The following DEAF1 variants were observed in gnomAD, a reference collection of about 807,000 sequenced individuals.
DEAF1 encodes the protein deformed epidermal autoregulatory factor 1 homolog.
DEAF1 carries 53 observed loss-of-function variants against 58.9 expected under a neutral mutation model. The ratio of observed to expected loss-of-function variants is 0.90; its 90% CI spans 0.72 to 1.13. The LOEUF (loss-of-function observed/expected upper bound fraction) is 1.13, where lower values mean the gene tolerates loss of function less well. DEAF1 is among the 50% of genes most tolerant of loss of function. The pLI is 0.00. For synonymous variants in DEAF1, 385 were observed against 340.4 expected (o/e 1.13, Z -1.44); for missense variants, 685 against 791.4 (o/e 0.87, Z 1.61).
chr11:695,693 G>A (rs959127352), upstream of DEAF1: 19 of 1,243,076 alleles, frequency 1.5e-5, no homozygotes, highest in Admixed American at 4.2e-4. Flanking sequence ...CTCGGCCGTG[G>A]CTCGGACGTC....
At chr11:651,435 A>G (rs1858768223) in intron 11 of DEAF1, 1 of 326,916 alleles carries the variant, frequency 3.1e-6, no homozygotes, top group Admixed American at 4.5e-5. Context: ...AAAAAATTAA[A>G]TAAAAAATAA....
At chr11:699,035 G>C, upstream of DEAF1, 1 of 940,782 alleles carries the variant, frequency 1.1e-6, no homozygotes, top group Admixed American at 1.9e-5. Context: ...CAGATTTAGA[G>C]AGTTGATGTA....
intron 1 of DEAF1, among the ~76,000 whole-genome samples, chr11:701,450 G>C (rs533994047): frequency 1.6e-5 from 2 of 124,084 alleles, no homozygotes; most frequent in African/African-American, 3.1e-5. Context: ...TCGCTCTGTC[G>C]CCCAGGCTGG....
chr11:644,645 C>G lies in DEAF1; in HGVS notation c.1603G>C (p.Asp535His). Reference protein sequence around the residue: ...STFCQRKDWKDHQHICGQSAA... With the variant: ...STFCQRKDWKHHQHICGQSAA... Reference sequence around the variant, plus strand: ...GACTGGCCGCATATGTGCTGGTGATCCTTCCAGTCCTGGAAGGGAGGACAC... The same window carrying G: ...GACTGGCCGCATATGTGCTGGTGATGCTTCCAGTCCTGGAAGGGAGGACAC... The change falls in exon 12 of 12, where the codon GAT (aspartate) becomes CAT (histidine). Residue 535 changes from aspartate to histidine, a missense_variant. Physicochemically the swap from Asp to His is moderately conservative, Grantham distance 81. This residue lies in a region of DEAF1 where 343 missense variants were observed against 379.8 expected (regional missense o/e 0.90). Coordinates refer to ENST00000382409, the MANE Select transcript of DEAF1 (RefSeq NM_021008.4). This position sits in a 1 kb window ranked among gnomAD's most constrained non-coding sequence, Gnocchi z 4.3. The G allele has an allele frequency of 1.9e-6, 3 of 1,609,964 alleles. No homozygotes were observed. Among genetic ancestry groups the G allele is most frequent in the Non-Finnish European group, 2.5e-6 (3 of 1,179,012 alleles).
intron 10 of DEAF1, among the ~76,000 whole-genome samples, chr11:660,584 T>C (rs1454857499): frequency 6.6e-6 from 1 of 152,164 alleles, no homozygotes; most frequent in African/African-American, 2.4e-5. Context: ...CTCTGAAGAG[T>C]TCCCTGGGGA....
chr11:689,982 C>A (rs897843063), intron 2 of DEAF1, among the ~76,000 whole-genome samples: 31 of 151,854 alleles, frequency 2.0e-4, no homozygotes, highest in Non-Finnish European at 3.1e-4. Flanking sequence ...ACACAGATCG[C>A]CACGTGGCCA....
At chr11:649,779 A>G (rs918697133) in intron 11 of DEAF1, among the ~76,000 whole-genome samples, 15 of 151,908 alleles carry the variant, frequency 9.9e-5, no homozygotes, top group African/African-American at 3.6e-4. Flanking sequence ...TAATCTTAGA[A>G]CTTTGGGAGG....
upstream of DEAF1, chr11:695,613 T>C: frequency 8.0e-7 from 1 of 1,244,216 alleles, no homozygotes; most frequent in Non-Finnish European, 1.0e-6. Context: ...GGCCGAATGC[T>C]CCCGAACGTC....
chr11:687,965 G>A lies in DEAF1; in HGVS notation c.610C>T (p.Pro204Ser), dbSNP rs1427443807. ...WDPSVYDSEL[P>S]VRCRNISGTL... ...CCGCTGATGTTCCGGCACCGTACGG[G>A]CAGCTCACTGTCGTACACAGAAGGG... is the stretch of plus-strand genomic sequence containing the variant. The change falls in exon 4 of 12, where the codon CCC (proline) becomes TCC (serine). Residue 204 changes from proline to serine, a missense_variant. Physicochemically the swap from Pro to Ser is moderately conservative, Grantham distance 74. Around this residue, in one of 3 missense-constraint regions of DEAF1, gnomAD observed 132 missense variants for 234.3 expected, o/e 0.56. Coordinates refer to ENST00000382409, the MANE Select transcript of DEAF1 (RefSeq NM_021008.4). The A allele has an allele frequency of 6.2e-7, 1 of 1,614,098 alleles. No homozygotes were observed.
intron 1 of DEAF1, 165 bp downstream of exon 1, chr11:694,594 G>A (rs1180976415): frequency 3.5e-6 from 2 of 572,038 alleles, no homozygotes; most frequent in South Asian, 4.7e-5. Flanking sequence ...ACGTGGAGCA[G>A]GTGTGAGGGG....
intron 11 of DEAF1, among the ~76,000 whole-genome samples, chr11:652,229 C>T (rs564034393): frequency 6.0e-4 from 92 of 152,144 alleles, no homozygotes; most frequent in African/African-American, 2.0e-3. Flanking sequence ...AATTAGCATA[C>T]TTCTTTTTTA....
chr11:706,341 G>A (rs1178172197), intron 1 of DEAF1: 1 of 152,184 alleles, frequency 6.6e-6, no homozygotes, highest in Non-Finnish European at 1.5e-5. Flanking sequence ...AGTTTACCCG[G>A]TGGCGATGGG....
upstream of DEAF1, chr11:699,090 G>C: frequency 1.6e-6 from 1 of 626,512 alleles, no homozygotes; most frequent in Non-Finnish European, 2.8e-6. Flanking sequence ...TACCTGCTCA[G>C]CCCTGCACAA....
Position 649,346 on chromosome 11 carries a change from C to T in DEAF1, c.1593+4616G>A, listed in dbSNP as rs537752732. Reference sequence around the variant, plus strand: ...CTGAAGGAGGAGTATTGCTTGAACCCGGGAAGCGGAGGTTGCACTGAGCTG... The same window carrying T: ...CTGAAGGAGGAGTATTGCTTGAACCTGGGAAGCGGAGGTTGCACTGAGCTG... On this transcript the variant is annotated intron_variant, in intron 11 of 11. Transcript: ENST00000382409. Among the ~76,000 whole-genome samples the T allele has an allele frequency of 1.1e-4, 17 of 151,878 alleles. No individual in the cohort carries two copies. In the East Asian group the frequency reaches 1.4e-3, roughly 12 times the overall value.
At chr11:648,390 T>A (rs953615509) in intron 11 of DEAF1, among the ~76,000 whole-genome samples, 3 of 151,666 alleles carry the variant, frequency 2.0e-5, no homozygotes, top group African/African-American at 7.3e-5. Context: ...AGAGACGGGG[T>A]TTCACCATGT....
At chr11:684,984 C>T (rs925680742) in intron 5 of DEAF1, 21 bp from the exon 6 acceptor site, 10 of 1,549,316 alleles carry the variant, frequency 6.5e-6, no homozygotes, top group Admixed American at 3.9e-5. Flanking sequence ...AAAAGAACCA[C>T]CATGCATTAG....
intron 10 of DEAF1, among the ~76,000 whole-genome samples, chr11:655,302 T>C (rs540860562): frequency 1.3e-4 from 20 of 152,192 alleles, no homozygotes; most frequent in African/African-American, 4.8e-4. Flanking sequence ...CTGTGGTGGA[T>C]TGAAAAGATG....
intron 10 of DEAF1, among the ~76,000 whole-genome samples, chr11:667,495 C>T (rs938376891): frequency 1.3e-5 from 2 of 152,004 alleles, no homozygotes; most frequent in Non-Finnish European, 2.9e-5. Flanking sequence ...GGAAAGACAT[C>T]TTTAAACTGG....
At chr11:672,497 G>GT (rs1685109105) in intron 10 of DEAF1, among the ~76,000 whole-genome samples, 1 of 152,194 alleles carries the variant, frequency 6.6e-6, no homozygotes, top group South Asian at 2.1e-4. Context: ...TGCTTGTCTA[G>GT]TAGAATCTAT....
Sources: allele counts gnomAD v4.1 joint callset (sites outside exome capture counted in the v4.1 genomes callset), GRCh38; gene constraint gnomAD v4.1.1; regional missense constraint gnomAD v4.1.1; non-coding constraint Gnocchi (gnomAD v3.1); transcripts MANE v1.5; gene names NCBI Gene and HGNC (gene_info 2026-07-23, HGNC 2026-07-21).